Variants in ADGRG6 observed in about 807,000 individuals in gnomAD.
The protein encoded by ADGRG6 is adhesion G protein-coupled receptor G6.
In ADGRG6, 84 loss-of-function variants were observed where a neutral mutation model predicts 142.4. The observed-to-expected ratio is 0.59, with a 90% CI of 0.49 to 0.71. The LOEUF (loss-of-function observed/expected upper bound fraction) is 0.71, where lower values mean the gene tolerates loss of function less well. Ranked by LOEUF, ADGRG6 falls within the 30% of genes least tolerant of loss-of-function variation. The pLI, the probability that ADGRG6 is intolerant of heterozygous loss-of-function variation, is 0.00. For synonymous variants in ADGRG6, 521 were observed against 520.5 expected (o/e 1.00, Z -0.01); for missense variants, 1,367 against 1,466.6 (o/e 0.93, Z 1.11).
intron 2 of ADGRG6, among the ~76,000 whole-genome samples, chr6:142,317,315 A>G (rs1470598802): frequency 5.3e-5 from 8 of 152,046 alleles, no homozygotes; most frequent in South Asian, 2.1e-4. Flanking sequence ...GGTAGTGTCC[A>G]TTTGCAAACA....
intron 18 of ADGRG6, among the ~76,000 whole-genome samples, chr6:142,411,883 C>T (rs183002654): frequency 6.6e-5 from 10 of 152,148 alleles, no homozygotes; most frequent in Middle Eastern, 3.4e-3. Context: ...GGTACTGCAC[C>T]GAGTGATCTC....
chr6:142,409,045 T>A (rs1228101139), intron 16 of ADGRG6, among the ~76,000 whole-genome samples: 1 of 152,176 alleles, frequency 6.6e-6, no homozygotes, highest in Non-Finnish European at 1.5e-5. Flanking sequence ...AATATAAATG[T>A]ATCATCTTAA....
intron 4 of ADGRG6, among the ~76,000 whole-genome samples, chr6:142,377,350 A>G (rs1781550260): frequency 6.6e-6 from 1 of 152,182 alleles, no homozygotes; most frequent in Admixed American, 6.5e-5. Flanking sequence ...AGCTGGAGAG[A>G]GCAGCCTCCT....
At chr6:142,400,634 G>A (rs1454597685) in intron 11 of ADGRG6, 38 bp downstream of exon 11, 1 of 1,018,680 alleles carries the variant, frequency 9.8e-7, no homozygotes, top group Non-Finnish European at 1.6e-6. Flanking sequence ...AAAGCTACAT[G>A]TTATCAGCCT....
intron 16 of ADGRG6, among the ~76,000 whole-genome samples, chr6:142,409,518 T>TA (rs1456332812): frequency 1.3e-5 from 2 of 152,174 alleles, no homozygotes; most frequent in African/African-American, 4.8e-5. Context: ...TTTGTCTATG[T>TA]AAATACCCAG....
chr6:142,422,385 A>C (rs13437159), intron 22 of ADGRG6, among the ~76,000 whole-genome samples: 1 of 152,066 alleles, frequency 6.6e-6, no homozygotes, highest in African/African-American at 2.4e-5. Flanking sequence ...TCATTGTTCA[A>C]TTCCCACCTA....
chr6:142,433,636 G>T lies in ADGRG6; in HGVS notation c.3320-3798G>T, dbSNP rs557686055. On this transcript the variant is annotated intron_variant, in intron 22 of 24. Coordinates refer to ENST00000367609, the MANE Select transcript of ADGRG6 (RefSeq NM_198569.3). ...ATGCCCTGACACAGGCCAGGACAGT[G>T]TGCAGCCAGTGCCCTCTCCAACTCT... is the stretch of plus-strand genomic sequence containing the variant. Among the ~76,000 whole-genome samples the T allele has an allele frequency of 3.3e-5, 5 of 152,342 alleles. No homozygotes were observed. The East Asian group carries it at 9.6e-4, about 29-fold the overall frequency.
At chr6:142,394,655 C>T (rs1335490295) in intron 9 of ADGRG6, among the ~76,000 whole-genome samples, 1 of 149,850 alleles carries the variant, frequency 6.7e-6, no homozygotes, top group Non-Finnish European at 1.5e-5. Context: ...GACCATCACT[C>T]ACTGCAGCCT....
In ADGRG6 at chr6:142,351,303, T is replaced by C. The variant is rs369335443; in HGVS notation, c.104-16266T>C. ...GGCATCACACTACCAGACTTCAAAC[T>C]ATACTACAAGGCTACAGTAACCAAA... is the stretch of plus-strand genomic sequence containing the variant. On this transcript the variant is annotated intron_variant, in intron 2 of 24. Coordinates refer to ENST00000367609, the MANE Select transcript of ADGRG6 (RefSeq NM_198569.3). Among the ~76,000 whole-genome samples, 21 of 152,142 alleles carry C rather than the reference T, an allele frequency of 1.4e-4. No homozygotes were observed. In the South Asian group the frequency reaches 4.4e-3, roughly 32 times the overall value.
chr6:142,340,252 C>T (rs1387081409), intron 2 of ADGRG6, among the ~76,000 whole-genome samples: 3 of 152,098 alleles, frequency 2.0e-5, no homozygotes, highest in Non-Finnish European at 4.4e-5. Context: ...AGGTGGAATG[C>T]ACATGTATTC....
At chr6:142,422,353 C>G (rs557817073) in intron 22 of ADGRG6, among the ~76,000 whole-genome samples, 10 of 152,156 alleles carry the variant, frequency 6.6e-5, no homozygotes, top group Non-Finnish European at 1.2e-4. Context: ...TGTGATATTC[C>G]CCTTCCTGTG....
chr6:142,360,832 A>T (rs1780676180), intron 2 of ADGRG6, among the ~76,000 whole-genome samples: 3 of 151,842 alleles, frequency 2.0e-5, no homozygotes, highest in African/African-American at 7.2e-5. Context: ...TAATTTTTGT[A>T]TTTTTAGTAG....
Position 142,397,901 on chromosome 6 carries a change from A to T in ADGRG6, c.1567+146A>T, listed in dbSNP as rs570777030. ...TGAAGTTCAGTAACAAATGAATGACATAGCAGAAAAAAAAAATCAGCTCAG... is the reference window on the plus strand; with the variant it reads ...TGAAGTTCAGTAACAAATGAATGACTTAGCAGAAAAAAAAAATCAGCTCAG... On this transcript the variant is annotated intron_variant, in intron 10 of 24. Transcript: ENST00000367609. 6 of 504,280 alleles carry T rather than the reference A, an allele frequency of 1.2e-5. No individual in the cohort carries two copies. The East Asian group carries it at 2.1e-4, about 18-fold the overall frequency. The allele number at this position is 504,280 out of a possible 1,614,324, so 31.2% of individuals were successfully genotyped here.
At chr6:142,344,669 A>T (rs1041171907) in intron 2 of ADGRG6, among the ~76,000 whole-genome samples, 54 of 151,994 alleles carry the variant, frequency 3.6e-4, no homozygotes, top group Non-Finnish European at 6.5e-4. Flanking sequence ...AAAATTTTTC[A>T]TAAAATAGCT....
At chr6:142,321,835 A>C (rs1203085938) in intron 2 of ADGRG6, among the ~76,000 whole-genome samples, 1 of 152,104 alleles carries the variant, frequency 6.6e-6, no homozygotes, top group Non-Finnish European at 1.5e-5. Context: ...TTTCTATGTA[A>C]ATTATACCTC....
At chr6:142,323,357 A>G (rs909584933) in intron 2 of ADGRG6, among the ~76,000 whole-genome samples, 2 of 152,130 alleles carry the variant, frequency 1.3e-5, no homozygotes, top group Admixed American at 6.6e-5. Flanking sequence ...TCCAGTACGC[A>G]TTAAAAAAAG....
In ADGRG6 at chr6:142,370,460, T is replaced by G; in HGVS notation, c.736T>G (p.Phe246Val). ...ACCTGTCAAAGAAAAAGAAGACATTTTTGCAGAAAGCTTTGAACAGCTCTG... is the reference window on the plus strand; with the variant it reads ...ACCTGTCAAAGAAAAAGAAGACATTGTTGCAGAAAGCTTTGAACAGCTCTG... ...ALPVKEKEDIFAESFEQLCLV... is the reference protein window; with the variant it reads ...ALPVKEKEDIVAESFEQLCLV... Residue 246 changes from phenylalanine to valine, a missense_variant, in exon 4 of 25, where the codon TTT becomes GTT. Phe to Val is a conservative substitution (Grantham distance 50). Transcript: ENST00000367609. The G allele has an allele frequency of 1.2e-6, 2 of 1,613,504 alleles. No individual in the cohort carries two copies. Among genetic ancestry groups the G allele is most frequent in the Non-Finnish European group, 1.7e-6 (2 of 1,179,426 alleles).
chr6:142,326,971 G>A (rs1437873276), intron 2 of ADGRG6, among the ~76,000 whole-genome samples: 2 of 151,996 alleles, frequency 1.3e-5, no homozygotes, highest in East Asian at 3.9e-4. Flanking sequence ...TCCAGAAAAC[G>A]TTTAGTACAT....
At chr6:142,369,557 T>C (rs1453505482) in intron 3 of ADGRG6, among the ~76,000 whole-genome samples, 2 of 152,176 alleles carry the variant, frequency 1.3e-5, no homozygotes, top group Non-Finnish European at 2.9e-5. Flanking sequence ...CTTATATGCC[T>C]GGATACCTTA....
Sources: gnomAD v4.1 joint callset for allele counts (sites outside exome capture counted in the v4.1 genomes callset) on GRCh38, gnomAD v4.1.1 for gene constraint, MANE v1.5 for transcripts, NCBI Gene and HGNC (gene_info 2026-07-23, HGNC 2026-07-21) for gene names.